The following KIAA1328 variants were observed in gnomAD, a reference collection of about 807,000 sequenced individuals.
KIAA1328 encodes the protein protein hinderin.
In KIAA1328, 52 loss-of-function variants were observed where a neutral mutation model predicts 68.1. The ratio of observed to expected loss-of-function variants is 0.76; its 90% CI spans 0.61 to 0.96. The LOEUF (loss-of-function observed/expected upper bound fraction) is 0.96, where lower values mean the gene tolerates loss of function less well. Ranked by LOEUF, KIAA1328 falls within the 40% of genes least tolerant of loss-of-function variation. The probability of loss-of-function intolerance (pLI) is 0.00; values close to 1 mark genes in which losing one functional copy is unlikely to be tolerated. For missense variants in KIAA1328, 641 were observed against 677.6 expected (o/e 0.95, Z 0.60); for synonymous variants, 232 against 239.4 (o/e 0.97, Z 0.28).
intron 5 of KIAA1328, among the ~76,000 whole-genome samples, chr18:36,925,829 G>A (rs9675371): frequency 0.1 from 15,819 of 151,514 alleles, 1,041 homozygotes; most frequent in Admixed American, 0.16. Context: ...GTAAGCCATC[G>A]TGCCCAGCCT....
At chr18:37,221,949 G>C in intron 9 of KIAA1328, 68 bp from the exon 10 acceptor site, 2 of 1,477,760 alleles carry the variant, frequency 1.4e-6, no homozygotes, top group Non-Finnish European at 1.9e-6. Context: ...GCCCATTTCT[G>C]CTGGGCTTCT....
chr18:37,023,276 A>G (rs1044538734), intron 6 of KIAA1328, among the ~76,000 whole-genome samples: 5 of 152,148 alleles, frequency 3.3e-5, no homozygotes, highest in African/African-American at 4.8e-5. Context: ...GTGCTATGGC[A>G]TGAGCAGGAC....
intron 5 of KIAA1328, among the ~76,000 whole-genome samples, chr18:36,903,224 T>A (rs2049100383): frequency 6.6e-6 from 1 of 152,204 alleles, no homozygotes; most frequent in Admixed American, 6.6e-5. Flanking sequence ...TAACAGTAGG[T>A]CTCGTTTGAC....
intron 7 of KIAA1328, among the ~76,000 whole-genome samples, chr18:37,114,928 A>G (rs1034087008): frequency 3.3e-5 from 5 of 152,228 alleles, no homozygotes; most frequent in African/African-American, 1.2e-4. Context: ...AAATGGATAA[A>G]TTGCTCAACA....
At chr18:37,030,068 T>C (rs1209768742) in intron 6 of KIAA1328, among the ~76,000 whole-genome samples, 1 of 152,166 alleles carries the variant, frequency 6.6e-6, no homozygotes, top group Non-Finnish European at 1.5e-5. Flanking sequence ...TTTTCATTTT[T>C]GATTTTTATT....
At chr18:37,131,688 G>A (rs926077747) in intron 7 of KIAA1328, among the ~76,000 whole-genome samples, 7 of 152,042 alleles carry the variant, frequency 4.6e-5, no homozygotes, top group Admixed American at 4.6e-4. Flanking sequence ...GGTTCATTTG[G>A]CAACTATACA....
At chr18:37,090,576 T>C (rs1011433861) in intron 7 of KIAA1328, among the ~76,000 whole-genome samples, 2 of 152,166 alleles carry the variant, frequency 1.3e-5, no homozygotes, top group Non-Finnish European at 2.9e-5. Context: ...CAACCTCACA[T>C]TAGATGAAAT....
At chr18:36,925,685 A>G (rs1242996121) in intron 5 of KIAA1328, among the ~76,000 whole-genome samples, 1 of 151,928 alleles carries the variant, frequency 6.6e-6, no homozygotes. Flanking sequence ...CTACAGGTGC[A>G]TGCCACCATG....
intron 6 of KIAA1328, among the ~76,000 whole-genome samples, chr18:36,982,975 A>G (rs2151379615): frequency 6.6e-6 from 1 of 152,188 alleles, no homozygotes; most frequent in East Asian, 1.9e-4. Context: ...AACCACTAAA[A>G]TAACAAGATT....
At chr18:37,136,295 C>T (rs1401858652) in intron 7 of KIAA1328, among the ~76,000 whole-genome samples, 1 of 152,048 alleles carries the variant, frequency 6.6e-6, no homozygotes, top group Non-Finnish European at 1.5e-5. Context: ...GACTTTGGTA[C>T]CATATATTGG....
intron 6 of KIAA1328, among the ~76,000 whole-genome samples, chr18:37,061,227 CA>C (rs1439264594): frequency 6.6e-6 from 1 of 152,144 alleles, no homozygotes; most frequent in African/African-American, 2.4e-5. Context: ...AAACCAGGCA[CA>C]AAAGAGTGAC....
intron 5 of KIAA1328, among the ~76,000 whole-genome samples, chr18:36,915,637 C>T (rs2049664956): frequency 6.6e-6 from 1 of 152,270 alleles, no homozygotes; most frequent in South Asian, 2.1e-4. Flanking sequence ...TTATCTTACA[C>T]ACCTTCTAGA....
At chr18:37,212,720 T>A (rs917145323) in intron 9 of KIAA1328, among the ~76,000 whole-genome samples, 1 of 152,178 alleles carries the variant, frequency 6.6e-6, no homozygotes, top group African/African-American at 2.4e-5. Context: ...TTATTTATTT[T>A]ATTTATTTAT....
intron 4 of KIAA1328, among the ~76,000 whole-genome samples, chr18:36,847,307 C>T (rs1206934329): frequency 1.3e-5 from 2 of 151,464 alleles, no homozygotes; most frequent in Non-Finnish European, 3.0e-5. Flanking sequence ...GTGTCTATAA[C>T]TTTGTAAGAA....
intron 7 of KIAA1328, among the ~76,000 whole-genome samples, chr18:37,084,593 C>T (rs1414023729): frequency 7.8e-6 from 1 of 128,298 alleles, no homozygotes; most frequent in Non-Finnish European, 1.5e-5. Context: ...TTATTAAATA[C>T]TCTGTGAAAA....
chr18:36,996,642 A>T (rs1468186815), intron 6 of KIAA1328, among the ~76,000 whole-genome samples: 1 of 152,110 alleles, frequency 6.6e-6, no homozygotes, highest in Non-Finnish European at 1.5e-5. Flanking sequence ...ATAAATGGGG[A>T]TGAGGGCAGT....
At chr18:36,842,060 T>C (rs1401363948) in intron 3 of KIAA1328, among the ~76,000 whole-genome samples, 1 of 152,208 alleles carries the variant, frequency 6.6e-6, no homozygotes. Flanking sequence ...AGAAAAATTA[T>C]TGAATAGTGC....
chr18:37,054,965 C>T (rs1266682561), intron 6 of KIAA1328, among the ~76,000 whole-genome samples: 1 of 152,108 alleles, frequency 6.6e-6, no homozygotes, highest in Non-Finnish European at 1.5e-5. Flanking sequence ...TTATTGTGTG[C>T]CTTCTGTGTG....
At chr18:37,135,451 A>G (rs2058622346) in intron 7 of KIAA1328, among the ~76,000 whole-genome samples, 1 of 152,182 alleles carries the variant, frequency 6.6e-6, no homozygotes, top group South Asian at 2.1e-4. Flanking sequence ...TCTGATGATT[A>G]GTGATACTGA....
Sources: allele counts gnomAD v4.1 joint callset (sites outside exome capture counted in the v4.1 genomes callset), GRCh38; gene constraint gnomAD v4.1.1; transcripts MANE v1.5; gene names NCBI Gene and HGNC (gene_info 2026-07-23, HGNC 2026-07-21).